LRRC42: variants seen among roughly 807,000 people sequenced by gnomAD.
The protein encoded by LRRC42 is leucine rich repeat containing 42.
A neutral mutation model predicts 44.3 loss-of-function variants in LRRC42; 43 were observed. That is an observed-to-expected ratio of 0.97 (90% CI 0.76 to 1.25). LRRC42 has a LOEUF of 1.25. Among genes scored for constraint, LRRC42 ranks in the 50% most tolerant of loss-of-function variants. The probability of loss-of-function intolerance (pLI) is 0.00; values close to 1 mark genes in which losing one functional copy is unlikely to be tolerated. For synonymous variants in LRRC42, 207 were observed against 195.2 expected (o/e 1.06, Z -0.50); for missense variants, 540 against 509.1 (o/e 1.06, Z -0.58).
At chr1:53,948,764 A>G (rs1221615666) in intron 2 of LRRC42, among the ~76,000 whole-genome samples, 1 of 152,244 alleles carries the variant, frequency 6.6e-6, no homozygotes, top group African/African-American at 2.4e-5. Context: ...ACCCAGTACA[A>G]TAGTGAGGGA....
At chr1:53,963,952 C>G (rs1288046769) in intron 7 of LRRC42, among the ~76,000 whole-genome samples, 3 of 118,598 alleles carry the variant, frequency 2.5e-5, no homozygotes, top group African/African-American at 9.2e-5. Flanking sequence ...TGCCCACCCC[C>G]CCCCCATCTT....
At chr1:53,947,098 G>A (rs1047776348) in intron 1 of LRRC42, among the ~76,000 whole-genome samples, 2 of 150,592 alleles carry the variant, frequency 1.3e-5, no homozygotes, top group African/African-American at 4.9e-5. Flanking sequence ...GATGGTGAAG[G>A]AGAGGAGTGG....
At chr1:53,953,252 A>G (rs565455583) in intron 3 of LRRC42, among the ~76,000 whole-genome samples, 1 of 152,362 alleles carries the variant, frequency 6.6e-6, no homozygotes, top group Non-Finnish European at 1.5e-5. Flanking sequence ...ATACATGCTT[A>G]TGTAGTTCCC....
At chr1:53,956,331 G>A (rs72662400) in intron 3 of LRRC42, among the ~76,000 whole-genome samples, 10,858 of 152,244 alleles carry the variant, frequency 0.071, 570 homozygotes, top group Non-Finnish European at 0.11. Context: ...TGGTAACAGG[G>A]AGGCAAGTAT....
Position 53,959,038 on chromosome 1 carries a change from C to T in LRRC42, c.605+758C>T, listed in dbSNP as rs148287323. On this transcript the variant is annotated intron_variant, in intron 4 of 8. Coordinates refer to ENST00000371370, the MANE Select transcript of LRRC42 (RefSeq NM_001256409.2). ...AGCTGGGATTATAGGCGCCCCCCACCACGCCGGCTAATTTTTGTACTTTTA... is the reference window on the plus strand; with the variant it reads ...AGCTGGGATTATAGGCGCCCCCCACTACGCCGGCTAATTTTTGTACTTTTA... Among the ~76,000 whole-genome samples, 7 of 152,246 alleles carry T rather than the reference C, an allele frequency of 4.6e-5. No individual in the cohort carries two copies. The East Asian group carries it at 1.2e-3, about 25-fold the overall frequency.
intron 7 of LRRC42, among the ~76,000 whole-genome samples, chr1:53,962,893 T>C (rs1413776269): frequency 6.6e-6 from 1 of 152,116 alleles, no homozygotes; most frequent in Admixed American, 6.5e-5. Context: ...TCTCACTGAG[T>C]CTTAACAGTG....
At chr1:53,964,892 C>G (rs1040591306) in intron 7 of LRRC42, among the ~76,000 whole-genome samples, 7 of 152,004 alleles carry the variant, frequency 4.6e-5, no homozygotes, top group African/African-American at 1.7e-4. Context: ...CACCATGTTG[C>G]CCAGGCTGGT....
Position 53,958,149 on chromosome 1 carries a change from G to C in LRRC42, c.474G>C (p.Arg158Ser), listed in dbSNP as rs754766977. The change falls in exon 4 of 9, where the codon AGG becomes AGC. Residue 158 changes from arginine (R) to serine (S), a missense_variant and splice_region_variant. Physicochemically the swap from Arg to Ser is moderately radical, Grantham distance 110. Transcript: ENST00000371370. Reference sequence around the variant, plus strand: ...ATTGATTGCTCTCCACGCTCCGTAGGTATCTCGTGATTTCAGAAAAGCTTG... The same window carrying C: ...ATTGATTGCTCTCCACGCTCCGTAGCTATCTCGTGATTTCAGAAAAGCTTG... ...LVLCSLCLRN[R>S]YLVISEKLEE... The C allele has an allele frequency of 1.9e-6, 3 of 1,613,460 alleles. No individual in the cohort carries two copies. In the South Asian group the frequency reaches 3.3e-5, roughly 18 times the overall value.
chr1:53,956,931 A>G (rs886360390), intron 3 of LRRC42, among the ~76,000 whole-genome samples: 4 of 152,218 alleles, frequency 2.6e-5, no homozygotes, highest in Non-Finnish European at 5.9e-5. Context: ...AGCTTTATTT[A>G]CAATGCAATT....
chr1:53,951,716 C>T (rs904915477), intron 2 of LRRC42, among the ~76,000 whole-genome samples: 27 of 152,148 alleles, frequency 1.8e-4, no homozygotes, highest in African/African-American at 6.5e-4. Context: ...TGAGCTAATG[C>T]GTCCGGCCTT....
In LRRC42 at chr1:53,967,817, A is replaced by G. The variant is rs41311180; in HGVS notation, c.1165A>G (p.Lys389Glu). 9.6e-4 allele frequency: 1,547 copies of G among 1,614,216 alleles called. 3 individuals are homozygous for G. Among genetic ancestry groups the G allele is most frequent in the Non-Finnish European group, 1.2e-3 (1,401 of 1,180,028 alleles). The change falls in exon 9 of 9, where the codon AAG becomes GAG. Residue 389 changes from lysine (K) to glutamate (E), a missense_variant. Transcript: ENST00000371370. ...CGAAGCTATCTCAAGCCAGGAGTCA[A>G]AGAAGAGCAAGAAGAGACCTTTTGA... ...KHEAISSQES[K>E]KSKKRPFEES...
At chr1:53,953,031 C>G (rs1654736359) in intron 3 of LRRC42, among the ~76,000 whole-genome samples, 1 of 152,202 alleles carries the variant, frequency 6.6e-6, no homozygotes, top group Non-Finnish European at 1.5e-5. Flanking sequence ...TTTTACTTTA[C>G]CGTCATGTAA....
At chr1:53,959,103 C>T (rs1043562175) in intron 4 of LRRC42, among the ~76,000 whole-genome samples, 11 of 152,118 alleles carry the variant, frequency 7.2e-5, no homozygotes, top group African/African-American at 1.7e-4. Flanking sequence ...AGGTTGGTCT[C>T]GAACTTCTGA....
rs775217051 is a variant in LRRC42 at position 53,966,315 on chromosome 1, G to T, written c.947G>T (p.Arg316Leu). The change falls in exon 8 of 9, where the codon CGT becomes CTT. Residue 316 changes from arginine to leucine, a missense_variant. Transcript: ENST00000371370. ...WADQIVLQWE[R>L]VTAEAVKPRE... ...TTTCAGATCGTTCTGCAGTGGGAGC[G>T]TGTGACTGCGGAAGCTGTGAAGCCA... 1 of 1,613,370 alleles carries T rather than the reference G, an allele frequency of 6.2e-7. No individual in the cohort carries two copies. Among genetic ancestry groups the T allele is most frequent in the Non-Finnish European group, 8.5e-7 (1 of 1,179,304 alleles).
intron 1 of LRRC42, among the ~76,000 whole-genome samples, chr1:53,946,953 T>C (rs1654499380): frequency 6.8e-6 from 1 of 146,974 alleles, no homozygotes; most frequent in Non-Finnish European, 1.5e-5. Context: ...GTTGGGGGTG[T>C]GGAATGCCAA....
At chr1:53,963,947 A>ACCCCCCCCCCCCCTCCCCT (rs5774166) in intron 7 of LRRC42, among the ~76,000 whole-genome samples, 1 of 82,272 alleles carries the variant, frequency 1.2e-5, no homozygotes, top group African/African-American at 4.8e-5. Flanking sequence ...CCTCCTGCCC[A>ACCCCCCCCCCCCCTCCCCT]CCCCCCCCCC....
intron 7 of LRRC42, 56 bp downstream of exon 7, chr1:53,962,465 T>C (rs1044327110): frequency 1.9e-6 from 2 of 1,073,944 alleles, no homozygotes; most frequent in African/African-American, 3.1e-5. Flanking sequence ...TAATTCCAAG[T>C]GTCTTATCCA....
At chr1:53,957,178 A>T (rs960954671) in intron 3 of LRRC42, among the ~76,000 whole-genome samples, 1 of 152,186 alleles carries the variant, frequency 6.6e-6, no homozygotes, top group African/African-American at 2.4e-5. Flanking sequence ...GATCCTGCTG[A>T]TGGAAGAGAG....
intron 2 of LRRC42, among the ~76,000 whole-genome samples, chr1:53,950,065 A>ATG (rs1426133625): frequency 6.6e-6 from 1 of 152,246 alleles, no homozygotes; most frequent in Non-Finnish European, 1.5e-5. Context: ...CTCTGGGTAC[A>ATG]TTAACAAGTG....
Sources: allele counts gnomAD v4.1 joint callset (sites outside exome capture counted in the v4.1 genomes callset), GRCh38; gene constraint gnomAD v4.1.1; transcripts MANE v1.5; gene names NCBI Gene and HGNC (gene_info 2026-07-23, HGNC 2026-07-21).